GALNT17: variants seen among roughly 807,000 people sequenced by gnomAD.
GALNT17 encodes the protein polypeptide N-acetylgalactosaminyltransferase 17, also known as UDP-GalNAc:polypeptide N-acetylgalactosaminyltransferase-like 3.
GALNT17 carries 29 observed loss-of-function variants against 63.7 expected under a neutral mutation model. The ratio of observed to expected loss-of-function variants is 0.46; its 90% confidence interval spans 0.34 to 0.62. The LOEUF (loss-of-function observed/expected upper bound fraction) is 0.62, where lower values mean the gene tolerates loss of function less well. Among genes scored for constraint, GALNT17 ranks in the 20% least tolerant of loss-of-function variants. The probability of loss-of-function intolerance (pLI) is 0.01; values close to 1 mark genes in which losing one functional copy is unlikely to be tolerated. For synonymous variants in GALNT17, 305 were observed against 318.3 expected (o/e 0.96, Z 0.45); for missense variants, 603 against 799.6 (o/e 0.75, Z 2.97).
intron 1 of GALNT17, among the ~76,000 whole-genome samples, chr7:71,305,966 C>T (rs762722362): frequency 3.3e-5 from 5 of 152,214 alleles, no homozygotes; most frequent in Non-Finnish European, 5.9e-5. Context: ...CGCCTGTAAT[C>T]CCAGCACTTT....
intron 1 of GALNT17, among the ~76,000 whole-genome samples, chr7:71,311,855 A>G (rs1456392941): frequency 6.6e-6 from 1 of 152,196 alleles, no homozygotes; most frequent in Non-Finnish European, 1.5e-5. Flanking sequence ...ACATTAGCCT[A>G]GCATATTGCT....
intron 1 of GALNT17, among the ~76,000 whole-genome samples, chr7:71,181,211 C>T (rs1186521988): frequency 6.6e-6 from 1 of 150,574 alleles, no homozygotes; most frequent in Non-Finnish European, 1.5e-5. Flanking sequence ...GCCGAGATCA[C>T]ACCACTACAC....
chr7:71,677,733 T>C (rs1791175077), intron 9 of GALNT17, among the ~76,000 whole-genome samples: 1 of 152,028 alleles, frequency 6.6e-6, no homozygotes, highest in African/African-American at 2.4e-5. Flanking sequence ...GCCAGGATGG[T>C]CTTCATCTCC....
chr7:71,196,499 G>A (rs1562904837), intron 1 of GALNT17, among the ~76,000 whole-genome samples: 1 of 152,120 alleles, frequency 6.6e-6, no homozygotes, highest in Non-Finnish European at 1.5e-5. Context: ...CGAGTACAAT[G>A]TGCTGAGTCC....
At chr7:71,534,526 G>C (rs1788772431) in intron 5 of GALNT17, among the ~76,000 whole-genome samples, 1 of 149,798 alleles carries the variant, frequency 6.7e-6, no homozygotes, top group Admixed American at 6.7e-5. Flanking sequence ...GTGAACCCAG[G>C]AGGCAGAATT....
intron 5 of GALNT17, among the ~76,000 whole-genome samples, chr7:71,436,480 G>C (rs1359907545): frequency 5.3e-5 from 8 of 152,136 alleles, no homozygotes; most frequent in African/African-American, 1.9e-4. Flanking sequence ...AGCACTTTGG[G>C]AGGCCGAGGC....
rs140248693 is a variant in GALNT17 at position 71,607,578 on chromosome 7, T to A, written c.1080+36176T>A. ...TAGAAAACATGACACGTACTATTTGTTTGTTGTTAATTTCCACTGAAGAGC... is the reference window on the plus strand; with the variant it reads ...TAGAAAACATGACACGTACTATTTGATTGTTGTTAATTTCCACTGAAGAGC... On this transcript the variant is annotated intron_variant, in intron 6 of 10. Transcript: ENST00000333538. Among the ~76,000 whole-genome samples, 243 of 152,310 alleles carry A rather than the reference T, an allele frequency of 1.6e-3. 4 individuals carry two copies. Among genetic ancestry groups the A allele is most frequent in the Middle Eastern group, 3.4e-3 (1 of 294 alleles).
At chr7:71,322,180 C>A (rs1336283480) in intron 1 of GALNT17, among the ~76,000 whole-genome samples, 1 of 151,898 alleles carries the variant, frequency 6.6e-6, no homozygotes, top group Non-Finnish European at 1.5e-5. Context: ...TCTCTAACTT[C>A]TAGCCTCAAG....
chr7:71,367,083 T>G (rs1792526186), intron 2 of GALNT17, among the ~76,000 whole-genome samples: 1 of 152,224 alleles, frequency 6.6e-6, no homozygotes, highest in Non-Finnish European at 1.5e-5. Flanking sequence ...GGTATGTATA[T>G]TCATGACTAT....
intron 1 of GALNT17, among the ~76,000 whole-genome samples, chr7:71,282,228 G>A (rs375587218): frequency 2.4e-4 from 36 of 152,328 alleles, no homozygotes; most frequent in African/African-American, 8.2e-4. Context: ...ACGACTGGCA[G>A]GTTTGTGCCT....
At chr7:71,203,135 C>A (rs1789206554) in intron 1 of GALNT17, among the ~76,000 whole-genome samples, 1 of 152,194 alleles carries the variant, frequency 6.6e-6, no homozygotes, top group Admixed American at 6.6e-5. Flanking sequence ...TTTCAACATA[C>A]TAAGTTCAGT....
chr7:71,346,731 G>T (rs1248430944), intron 2 of GALNT17, among the ~76,000 whole-genome samples: 1 of 122,876 alleles, frequency 8.1e-6, no homozygotes, highest in Non-Finnish European at 1.6e-5. Context: ...AGTTTATCTA[G>T]GGAATCTTGC....
At chr7:71,317,606 G>C (rs1791524341) in intron 1 of GALNT17, among the ~76,000 whole-genome samples, 2 of 152,172 alleles carry the variant, frequency 1.3e-5, no homozygotes, top group African/African-American at 4.8e-5. Context: ...GACCTCTGCA[G>C]GTGTTTATTC....
At position 71,388,400 on chromosome 7, in the gene GALNT17, A is replaced by G; in HGVS notation, c.588A>G (p.Glu196=). 6.2e-7 allele frequency: 1 copy of G among 1,613,824 alleles called. No individual in the cohort carries two copies. Among genetic ancestry groups the G allele is most frequent in the East Asian group, 2.2e-5 (1 of 44,856 alleles). The part of the protein sequence containing the change: ...EIILVDDNSD[E]EELKVPLEEY... The stretch of plus-strand genomic sequence containing the variant: ...TTCTGGTGGATGACAACAGCGACGA[A>G]GGTACAGGGGTGGCTGACCTGTGCA... The change falls in exon 3 of 11, where the codon GAA becomes GAG. Residue 196 remains glutamate, a splice_region_variant and synonymous_variant. Coordinates refer to ENST00000333538, the MANE Select transcript of GALNT17 (RefSeq NM_022479.3).
intron 1 of GALNT17, among the ~76,000 whole-genome samples, chr7:71,197,431 A>G (rs1789075195): frequency 6.7e-6 from 1 of 150,048 alleles, no homozygotes; most frequent in South Asian, 2.1e-4. Flanking sequence ...GGAGGTCTCG[A>G]TCTCCTGACC....
At chr7:71,219,328 A>G (rs34781484) in intron 1 of GALNT17, among the ~76,000 whole-genome samples, 50,124 of 151,778 alleles carry the variant, frequency 0.33, 9,220 homozygotes, top group South Asian at 0.53. Flanking sequence ...CTTTACCAAT[A>G]TGTGTATCTC....
chr7:71,247,980 A>G (rs576246777), intron 1 of GALNT17, among the ~76,000 whole-genome samples: 1 of 152,358 alleles, frequency 6.6e-6, no homozygotes, highest in Non-Finnish European at 1.5e-5. Context: ...CACATTGAGT[A>G]GGCTGAGGAG....
intron 5 of GALNT17, among the ~76,000 whole-genome samples, chr7:71,424,700 G>A (rs568264888): frequency 9.9e-4 from 151 of 152,208 alleles, no homozygotes; most frequent in Non-Finnish European, 1.8e-3. Context: ...TTAATTGCAG[G>A]GATGAATTTT....
intron 6 of GALNT17, among the ~76,000 whole-genome samples, chr7:71,580,155 T>C (rs1386638366): frequency 7.9e-5 from 12 of 151,948 alleles, no homozygotes; most frequent in Non-Finnish European, 1.3e-4. Flanking sequence ...GGATAGATGA[T>C]ATAGATAGAT....
Sources: gnomAD v4.1 joint callset for allele counts (sites outside exome capture counted in the v4.1 genomes callset) on GRCh38, gnomAD v4.1.1 for gene constraint, MANE v1.5 for transcripts, NCBI Gene and HGNC (gene_info 2026-07-23, HGNC 2026-07-21) for gene names.